The following ALDH4A1 variants were observed in gnomAD, a reference collection of about 807,000 sequenced individuals.
The protein encoded by ALDH4A1 is delta-1-pyrroline-5-carboxylate dehydrogenase, mitochondrial.
Under a neutral mutation model 70.5 loss-of-function variants are expected in ALDH4A1, and 46 were observed. The observed-to-expected ratio is 0.65, with a 90% confidence interval of 0.51 to 0.83. The LOEUF is 0.83. Among genes scored for constraint, ALDH4A1 ranks in the 40% least tolerant of loss-of-function variants. The pLI is 0.00. For synonymous variants in ALDH4A1, 323 were observed against 324.3 expected (o/e 1.00, Z 0.04); for missense variants, 749 against 766.5 (o/e 0.98, Z 0.27).
intron 11 of ALDH4A1, 57 bp from the exon 12 acceptor site, chr1:18,876,524 G>A: frequency 1.3e-6 from 2 of 1,522,302 alleles, no homozygotes; most frequent in Non-Finnish European, 1.8e-6. Flanking sequence ...CCCTGCGGCA[G>A]CCCCCACAAC....
rs370813324 is a variant in ALDH4A1, at chr1:18,872,835, C to T, written c.*10G>A. 36 of 1,610,098 alleles carry T rather than the reference C, an allele frequency of 2.2e-5. No individual in the cohort carries two copies. The highest frequency in any genetic ancestry group is 6.7e-5 in the Admixed American group (4 of 59,970). ...GGACAGACAGCTGGACGGTGGAGCC[C>T]GAGAGGGGCTCACTGCATGTACGCG... On this transcript the variant is annotated 3_prime_UTR_variant, in exon 15 of 15. Coordinates refer to ENST00000375341, the MANE Select transcript of ALDH4A1 (RefSeq NM_003748.4).
intron 3 of ALDH4A1, among the ~76,000 whole-genome samples, chr1:18,887,996 T>C (rs1164487694): frequency 6.6e-6 from 1 of 152,192 alleles, no homozygotes; most frequent in Non-Finnish European, 1.5e-5. Context: ...GCTGGCAAGA[T>C]AGTTTATATC....
chr1:18,901,941 A>C (rs1935812763), intron 1 of ALDH4A1, among the ~76,000 whole-genome samples: 1 of 151,416 alleles, frequency 6.6e-6, no homozygotes. Flanking sequence ...AAAAAAAAAA[A>C]AAAAAACGGG....
intron 1 of ALDH4A1, chr1:18,897,072 T>G (rs550633778): frequency 1.9e-6 from 1 of 533,776 alleles, no homozygotes; most frequent in African/African-American, 1.9e-5. Context: ...CATGACAAGT[T>G]GAGCATCCCT....
intron 14 of ALDH4A1, among the ~76,000 whole-genome samples, chr1:18,874,036 G>C (rs573946469): frequency 1.2e-4 from 18 of 152,336 alleles, no homozygotes; most frequent in Admixed American, 1.1e-3. Context: ...TCCATCAAGA[G>C]CTGGAGAACT....
rs1028873572 is a variant in ALDH4A1, at chr1:18,878,905, T to A, written c.940+395A>T. The stretch of plus-strand genomic sequence containing the variant: ...TCCCTACTCATGGGCCTTGCTTTGT[T>A]TCTTCAAATACAAGTTCATTCCCAC... On this transcript the variant is annotated intron_variant, in intron 9 of 14. Coordinates refer to ENST00000375341, the MANE Select transcript of ALDH4A1 (RefSeq NM_003748.4). Among the ~76,000 whole-genome samples, 4 of 152,246 alleles carry A rather than the reference T, an allele frequency of 2.6e-5. No homozygotes were observed. The South Asian group carries it at 6.2e-4, about 24-fold the overall frequency.
In ALDH4A1 at chr1:18,872,803, C is replaced by T; in HGVS notation, c.*42G>A. On this transcript the variant is annotated 3_prime_UTR_variant, in exon 15 of 15. Coordinates refer to ENST00000375341, the MANE Select transcript of ALDH4A1 (RefSeq NM_003748.4). ...GGGGTCTGTGCAGTGAGGTCGGCCA[C>T]CTGGACGGACAGACAGCTGGACGGT... is the stretch of plus-strand genomic sequence containing the variant. 1 of 1,552,632 alleles carries T rather than the reference C, an allele frequency of 6.4e-7. No individual in the cohort carries two copies.
At chr1:18,889,203 G>A (rs1212685236) in intron 3 of ALDH4A1, among the ~76,000 whole-genome samples, 159 bp downstream of exon 3, 1 of 152,204 alleles carries the variant, frequency 6.6e-6, no homozygotes, top group Non-Finnish European at 1.5e-5. Flanking sequence ...CCTTTGCTTT[G>A]GGAGTTTTAC....
At chr1:18,875,314 G>A (rs1934626482) in intron 13 of ALDH4A1, 68 bp downstream of exon 13, 1 of 1,611,760 alleles carries the variant, frequency 6.2e-7, no homozygotes, top group East Asian at 2.2e-5. Flanking sequence ...CCACGTCCAG[G>A]AGGTGGGGAT....
At chr1:18,886,832 C>T (rs1325121416) in intron 3 of ALDH4A1, among the ~76,000 whole-genome samples, 2 of 152,212 alleles carry the variant, frequency 1.3e-5, no homozygotes, top group Admixed American at 1.3e-4. Context: ...CGAATCCTGG[C>T]TCTGCCACCT....
At chr1:18,883,750 C>A (rs1935085229) in intron 5 of ALDH4A1, among the ~76,000 whole-genome samples, 1 of 152,158 alleles carries the variant, frequency 6.6e-6, no homozygotes, top group Admixed American at 6.5e-5. Flanking sequence ...GGCAAAGGAT[C>A]TATGGTCAAG....
intron 5 of ALDH4A1, 41 bp downstream of exon 5, chr1:18,885,431 AC>A: frequency 2.1e-6 from 1 of 478,978 alleles, no homozygotes; most frequent in Non-Finnish European, 3.5e-6. Context: ...CCTGACTCCC[AC>A]CCCACCCCGC....
chr1:18,877,542 G>C lies in ALDH4A1; in HGVS notation c.1011C>G (p.Leu337=). ...GGCCACCGTACTCGAAGGCTGAGCG[G>C]AGGGTCCCGCTCACCACGCTCTCCA... ...ADVESVVSGT[L]RSAFEYGGQK... The change falls in exon 10 of 15, where the codon CTC becomes CTG. Residue 337 remains leucine (L), a synonymous_variant. Coordinates refer to ENST00000375341, the MANE Select transcript of ALDH4A1 (RefSeq NM_003748.4). 6.2e-7 allele frequency: 1 copy of C among 1,612,360 alleles called. No homozygotes were observed. The highest frequency in any genetic ancestry group is 1.3e-5 in the African/African-American group (1 of 75,020).
intron 5 of ALDH4A1, 46 bp from the exon 6 acceptor site, chr1:18,883,474 G>T: frequency 6.2e-7 from 1 of 1,611,086 alleles, no homozygotes; most frequent in South Asian, 1.1e-5. Context: ...ACAGCCTCCT[G>T]TCCATCCTCT....
At chr1:18,886,606 C>G in intron 3 of ALDH4A1, 95 bp from the exon 4 acceptor site, 1 of 1,301,828 alleles carries the variant, frequency 7.7e-7, no homozygotes, top group South Asian at 1.2e-5. Context: ...CCAGGAAAGT[C>G]CTGGACACGC....
chr1:18,893,783 C>T (rs897338320), intron 1 of ALDH4A1, among the ~76,000 whole-genome samples: 2 of 152,168 alleles, frequency 1.3e-5, no homozygotes, highest in Non-Finnish European at 2.9e-5. Context: ...GGATTACAGG[C>T]GTGAGCCACT....
intron 5 of ALDH4A1, 42 bp downstream of exon 5, chr1:18,885,431 A>AACCCCCCCCCCCCC: frequency 2.1e-6 from 1 of 478,974 alleles, no homozygotes; most frequent in Non-Finnish European, 3.5e-6. Context: ...CCTGACTCCC[A>AACCCCCCCCCCCCC]CCCCACCCCG....
chr1:18,876,565 G>T, intron 11 of ALDH4A1, 98 bp from the exon 12 acceptor site: 1 of 1,378,664 alleles, frequency 7.3e-7, no homozygotes, highest in Middle Eastern at 2.5e-4. Context: ...GCACCTGAAG[G>T]GCCCAACTCC....
At position 18,898,374 on chromosome 1, in the gene ALDH4A1, T is replaced by C. The variant is rs1448957278; in HGVS notation, c.62+4088A>G. Reference sequence around the variant, plus strand: ...ATAATAACAGAAGAGGTTTGGCATCTGGGGTACTTAATTGGAATAAACAGA... The same window carrying C: ...ATAATAACAGAAGAGGTTTGGCATCCGGGGTACTTAATTGGAATAAACAGA... On this transcript the variant is annotated intron_variant, in intron 1 of 14. Coordinates refer to ENST00000375341, the MANE Select transcript of ALDH4A1 (RefSeq NM_003748.4). The surrounding 1 kb of genome is among the most constrained non-coding windows in gnomAD (Gnocchi z 4.3). Among the ~76,000 whole-genome samples the C allele has an allele frequency of 1.3e-5, 2 of 152,100 alleles. No individual in the cohort carries two copies. The highest frequency in any genetic ancestry group is 2.9e-5 in the Non-Finnish European group (2 of 68,022).
Sources: gnomAD v4.1 joint callset for allele counts (sites outside exome capture counted in the v4.1 genomes callset) on GRCh38, gnomAD v4.1.1 for gene constraint, Gnocchi (gnomAD v3.1) non-coding constraint, MANE v1.5 for transcripts, NCBI Gene and HGNC (gene_info 2026-07-23, HGNC 2026-07-21) for gene names.